Variants in SLC49A4 observed in about 807,000 individuals in gnomAD.
SLC49A4 encodes solute carrier family 49 member 4.
In SLC49A4, 36 loss-of-function variants were observed where a neutral mutation model predicts 50.6. That is an observed-to-expected ratio of 0.71 (90% CI 0.55 to 0.94). The LOEUF is 0.94. Ranked by LOEUF, SLC49A4 falls within the 40% of genes least tolerant of loss-of-function variation. The pLI, the probability that SLC49A4 is intolerant of heterozygous loss-of-function variation, is 0.00. For missense variants in SLC49A4, 503 were observed against 605.7 expected, an observed-to-expected ratio of 0.83 and a Z score of 1.78; for synonymous variants, 248 against 241.2, an observed-to-expected ratio of 1.03 and a Z score of -0.26.
chr3:122,811,280 T>C (rs1560197472), intron 2 of SLC49A4, among the ~76,000 whole-genome samples: 1 of 152,218 alleles, frequency 6.6e-6, no homozygotes, highest in Non-Finnish European at 1.5e-5. Context: ...ATAAATGGCA[T>C]GAACTCAAGA....
In SLC49A4 at chr3:122,860,243, A is replaced by G. The variant is rs539246870; in HGVS notation, c.1138+41A>G. 5 of 1,540,440 alleles carry G rather than the reference A, an allele frequency of 3.2e-6. No individual in the cohort carries two copies. The South Asian group carries it at 6.3e-5, about 19-fold the overall frequency. On this transcript the variant is annotated intron_variant, in intron 7 of 8. Coordinates refer to ENST00000261038, the MANE Select transcript of SLC49A4 (RefSeq NM_032839.3). Reference sequence around the variant, plus strand: ...TTTTGAACTTTTAATAAATATTTTCATTCACAGAAGTGTACATAACTCTGA... The same window carrying G: ...TTTTGAACTTTTAATAAATATTTTCGTTCACAGAAGTGTACATAACTCTGA...
At chr3:122,843,196 TC>T (rs374841298) in intron 4 of SLC49A4, among the ~76,000 whole-genome samples, 3 of 152,248 alleles carry the variant, frequency 2.0e-5, no homozygotes, top group African/African-American at 7.2e-5. Context: ...TTGACATTTT[TC>T]ACTAAGCACT....
rs766844611 is a variant in SLC49A4, at chr3:122,872,398, TTG to T, written c.1139-13_1139-12del. The T allele has an allele frequency of 6.3e-7, 1 of 1,593,406 alleles. No individual in the cohort carries two copies. The highest frequency in any genetic ancestry group is 1.4e-5 in the African/African-American group (1 of 74,054). On this transcript the variant is annotated splice_polypyrimidine_tract_variant and intron_variant, in intron 7 of 8. Transcript: ENST00000261038. ...TGCCGCTAGTGTGAAACTAAAATGT[TTG>T]TGTTTTTATTTTAGTGACATTGTAT...
Position 122,826,922 on chromosome 3 carries a change from C to T in SLC49A4, c.560C>T (p.Ser187Leu). The T allele has an allele frequency of 6.2e-7, 1 of 1,614,202 alleles. No individual in the cohort carries two copies. Among genetic ancestry groups the T allele is most frequent in the South Asian group, 1.1e-5 (1 of 91,084 alleles). ...DERATATAIA[S>L]MLSYLGGACA... ...AGGGCCACAGCCACAGCTATTGCAT[C>T]AATGCTCAGTTATCTTGGGGGAGCA... The change falls in exon 3 of 9, where the codon TCA becomes TTA. Residue 187 changes from serine to leucine, a missense_variant. Coordinates refer to ENST00000261038, the MANE Select transcript of SLC49A4 (RefSeq NM_032839.3).
At chr3:122,862,680 A>G (rs1282047543) in intron 7 of SLC49A4, among the ~76,000 whole-genome samples, 1 of 152,226 alleles carries the variant, frequency 6.6e-6, no homozygotes, top group Non-Finnish European at 1.5e-5. Flanking sequence ...GTGGGATTTT[A>G]CAAGAACATA....
At chr3:122,849,462 C>G (rs540418879) in intron 5 of SLC49A4, among the ~76,000 whole-genome samples, 21 of 152,190 alleles carry the variant, frequency 1.4e-4, no homozygotes, top group East Asian at 3.9e-4. Context: ...AAGCACTCCC[C>G]CTTCTCTGTA....
chr3:122,867,971 C>T (rs1035966382), intron 7 of SLC49A4, among the ~76,000 whole-genome samples: 8 of 152,084 alleles, frequency 5.3e-5, no homozygotes, highest in South Asian at 2.1e-4. Flanking sequence ...AAAAATTAGC[C>T]GGGCATGGTG....
intron 5 of SLC49A4, 97 bp downstream of exon 5, chr3:122,845,968 T>A: frequency 1.3e-6 from 1 of 791,524 alleles, no homozygotes; most frequent in Non-Finnish European, 1.9e-6. Context: ...AAGGACTGGG[T>A]AAAACATCGT....
chr3:122,809,781 C>T (rs977697339), intron 2 of SLC49A4, among the ~76,000 whole-genome samples: 1 of 152,076 alleles, frequency 6.6e-6, no homozygotes, highest in African/African-American at 2.4e-5. Context: ...ATAAAAAGTT[C>T]AGAGATTGAA....
intron 7 of SLC49A4, among the ~76,000 whole-genome samples, chr3:122,871,757 C>T (rs1284095079): frequency 6.6e-6 from 1 of 151,988 alleles, no homozygotes; most frequent in Non-Finnish European, 1.5e-5. Flanking sequence ...AGAATAATAT[C>T]CTTATTCAAT....
intron 1 of SLC49A4, among the ~76,000 whole-genome samples, chr3:122,800,538 A>G (rs1936115562): frequency 6.6e-6 from 1 of 151,806 alleles, no homozygotes. Flanking sequence ...ATATTAAAGT[A>G]TATCTATTAA....
intron 5 of SLC49A4, among the ~76,000 whole-genome samples, chr3:122,850,811 T>C (rs928031401): frequency 3.3e-5 from 5 of 152,222 alleles, no homozygotes; most frequent in African/African-American, 1.2e-4. Flanking sequence ...AATTGGAGTA[T>C]TTAGTGCATT....
chr3:122,846,722 G>T (rs930471492), intron 5 of SLC49A4, among the ~76,000 whole-genome samples: 5 of 152,198 alleles, frequency 3.3e-5, no homozygotes, highest in Non-Finnish European at 5.9e-5. Flanking sequence ...TAGACATGCT[G>T]ATAGCTGTGC....
intron 3 of SLC49A4, among the ~76,000 whole-genome samples, chr3:122,830,565 G>A (rs1239715641): frequency 6.6e-6 from 1 of 152,132 alleles, no homozygotes; most frequent in East Asian, 1.9e-4. Context: ...AAGATAATAA[G>A]GGAAAAAGTC....
At chr3:122,800,066 T>C (rs920159935) in intron 1 of SLC49A4, among the ~76,000 whole-genome samples, 2 of 152,046 alleles carry the variant, frequency 1.3e-5, no homozygotes, top group African/African-American at 4.8e-5. Flanking sequence ...TATTTGGGAG[T>C]TGTCAGCCTA....
chr3:122,812,837 A>G (rs898824685), intron 2 of SLC49A4, among the ~76,000 whole-genome samples: 3 of 152,198 alleles, frequency 2.0e-5, no homozygotes, highest in Non-Finnish European at 4.4e-5. Context: ...TTAAAACTCA[A>G]GGCAACTCAA....
intron 7 of SLC49A4, among the ~76,000 whole-genome samples, chr3:122,868,225 G>A (rs11922983): frequency 0.52 from 79,519 of 151,944 alleles, 22,631 homozygotes; most frequent in Non-Finnish European, 0.65. Context: ...TATGATCCAA[G>A]TCATGTGCTT....
At chr3:122,851,741 C>G (rs1364068920) in intron 5 of SLC49A4, among the ~76,000 whole-genome samples, 1 of 151,986 alleles carries the variant, frequency 6.6e-6, no homozygotes, top group Non-Finnish European at 1.5e-5. Flanking sequence ...TCTGTTTTCT[C>G]TAATTTCTTT....
intron 4 of SLC49A4, among the ~76,000 whole-genome samples, chr3:122,839,845 C>G (rs926386765): frequency 6.6e-6 from 1 of 152,122 alleles, no homozygotes; most frequent in Non-Finnish European, 1.5e-5. Context: ...CCTTAAAGAA[C>G]TAAAAGGAGA....
Sources: gnomAD v4.1 joint callset for allele counts (sites outside exome capture counted in the v4.1 genomes callset) on GRCh38, gnomAD v4.1.1 for gene constraint, MANE v1.5 for transcripts, NCBI Gene and HGNC (gene_info 2026-07-23, HGNC 2026-07-21) for gene names.